ZNG1E: variants seen among roughly 807,000 people sequenced by gnomAD.
ZNG1E encodes the protein Zn regulated GTPase metalloprotein activator 1E, also known as zinc-regulated GTPase metalloprotein activator 1E.
chr9:65,720,211 G>T, the ZNG1E span: 1 of 751,544 alleles, frequency 1.3e-6, no homozygotes. Context: ...TGGTATTTTT[G>T]AACTGTGTTG....
At chr9:65,660,477 G>C in the ZNG1E span, among the ~76,000 whole-genome samples, 4,664 of 101,434 alleles carry the variant, frequency 0.046, no homozygotes, top group Non-Finnish European at 0.049. Context: ...TAATGAAAAA[G>C]AAATAATCTA....
the ZNG1E span, among the ~76,000 whole-genome samples, chr9:65,686,525 A>C: frequency 1.3e-5 from 2 of 152,056 alleles, no homozygotes; most frequent in East Asian, 3.9e-4. Context: ...AATCCCAGTT[A>C]CTTGGGAGGC....
chr9:65,661,942 A>T, the ZNG1E span, among the ~76,000 whole-genome samples: 1,592 of 151,724 alleles, frequency 0.01, no homozygotes, highest in African/African-American at 0.037. Context: ...ATAATGGATG[A>T]TCAACTGTGG....
chr9:65,658,538 T>C, the ZNG1E span, among the ~76,000 whole-genome samples: 1 of 144,334 alleles, frequency 6.9e-6, no homozygotes, highest in African/African-American at 2.6e-5. Flanking sequence ...TTCAAGAAAA[T>C]CCAAGGACAT....
At chr9:65,713,980 C>A in the ZNG1E span, among the ~76,000 whole-genome samples, 186 of 150,954 alleles carry the variant, frequency 1.2e-3, no homozygotes, top group African/African-American at 4.1e-3. Flanking sequence ...CTCCCCGTCA[C>A]TTTCAGGTAC....
At chr9:65,664,129 CAGTACATATAAAAAAT>C in the ZNG1E span, among the ~76,000 whole-genome samples, 2 of 152,050 alleles carry the variant, frequency 1.3e-5, no homozygotes. Flanking sequence ...TTCTACAAAT[CAGTACATATAAAAAAT>C]ACATATTTAC....
the ZNG1E span, among the ~76,000 whole-genome samples, chr9:65,677,680 C>T: frequency 6.6e-6 from 1 of 152,142 alleles, no homozygotes; most frequent in Non-Finnish European, 1.5e-5. Context: ...TCACACCTTT[C>T]AGTGGCGTCC....
chr9:65,673,972 T>C, the ZNG1E span, among the ~76,000 whole-genome samples: 1 of 152,294 alleles, frequency 6.6e-6, no homozygotes, highest in East Asian at 1.9e-4. Context: ...GTGTGATGAC[T>C]GTGGGTGCAA....
the ZNG1E span, among the ~76,000 whole-genome samples, chr9:65,720,981 A>AC: frequency 1.3e-5 from 2 of 150,930 alleles, no homozygotes; most frequent in African/African-American, 5.0e-5. Context: ...GTAAAAAAAA[A>AC]AAAAAAAACC....
At chr9:65,665,210 T>A in the ZNG1E span, among the ~76,000 whole-genome samples, 1 of 152,270 alleles carries the variant, frequency 6.6e-6, no homozygotes, top group Non-Finnish European at 1.5e-5. Flanking sequence ...CATGTCAGAG[T>A]TCTTCATGGC....
the ZNG1E span, among the ~76,000 whole-genome samples, chr9:65,684,241 G>A: frequency 6.6e-6 from 1 of 151,898 alleles, no homozygotes; most frequent in Non-Finnish European, 1.5e-5. Flanking sequence ...TCACTATTGT[G>A]ATATACAAGT....
At chr9:65,681,338 G>C in the ZNG1E span, among the ~76,000 whole-genome samples, 14 of 152,226 alleles carry the variant, frequency 9.2e-5, no homozygotes, top group Admixed American at 3.9e-4. Context: ...GAGGAAGTAG[G>C]TATGTTTATC....
At chr9:65,657,720 G>T in the ZNG1E span, among the ~76,000 whole-genome samples, 1 of 152,274 alleles carries the variant, frequency 6.6e-6, no homozygotes, top group African/African-American at 2.4e-5. Context: ...AGTATAATTG[G>T]CATGTTAGTT....
At chr9:65,685,314 C>T in the ZNG1E span, among the ~76,000 whole-genome samples, 2 of 152,242 alleles carry the variant, frequency 1.3e-5, no homozygotes, top group Non-Finnish European at 2.9e-5. Flanking sequence ...ATGAAGTTTG[C>T]TGCATTAGTT....
chr9:65,672,618 C>T, the ZNG1E span, among the ~76,000 whole-genome samples: 5 of 151,576 alleles, frequency 3.3e-5, no homozygotes, highest in Admixed American at 3.3e-4. Context: ...GTGGTGCATA[C>T]CTGTAATCCC....
the ZNG1E span, among the ~76,000 whole-genome samples, chr9:65,669,703 A>C: frequency 6.6e-6 from 1 of 151,200 alleles, no homozygotes; most frequent in Non-Finnish European, 1.5e-5. Flanking sequence ...AGCATGGTTT[A>C]ACCACCAAAG....
chr9:65,716,674 A>AT, the ZNG1E span, among the ~76,000 whole-genome samples: 2 of 151,080 alleles, frequency 1.3e-5, no homozygotes, highest in East Asian at 1.9e-4. Flanking sequence ...TAAAAAAAAA[A>AT]ATAAAGAAAA....
At chr9:65,719,286 C>T in the ZNG1E span, 1 of 141,104 alleles carries the variant, frequency 7.1e-6, no homozygotes, top group Non-Finnish European at 1.5e-5. Flanking sequence ...TCATTCCCTC[C>T]AATAGTTCCT....
At chr9:65,656,006 T>A in the ZNG1E span, among the ~76,000 whole-genome samples, 2 of 137,308 alleles carry the variant, frequency 1.5e-5, no homozygotes, top group African/African-American at 2.7e-5. Context: ...GAGTTTCCCT[T>A]ACAGTTGACA....
Sources: allele counts gnomAD v4.1 joint callset (sites outside exome capture counted in the v4.1 genomes callset), GRCh38; gene constraint gnomAD v4.1.1; transcripts MANE v1.5; gene names NCBI Gene and HGNC (gene_info 2026-07-23, HGNC 2026-07-21).